DRG1: variants seen among roughly 807,000 people sequenced by gnomAD.
The protein encoded by DRG1 is developmentally-regulated GTP-binding protein 1.
In DRG1, 19 loss-of-function variants were observed where a neutral mutation model predicts 38.8. The ratio of observed to expected loss-of-function variants is 0.49; its 90% CI spans 0.34 to 0.72. The LOEUF is 0.72. Ranked by LOEUF, DRG1 falls within the 30% of genes least tolerant of loss-of-function variation. The pLI is 0.01. For synonymous variants in DRG1, 167 were observed against 157.5 expected (o/e 1.06, Z -0.45); for missense variants, 299 against 444.8 (o/e 0.67, Z 2.95).
intron 2 of DRG1, among the ~76,000 whole-genome samples, chr22:31,402,171 A>C (rs2049965286): frequency 6.6e-6 from 1 of 152,198 alleles, no homozygotes; most frequent in African/African-American, 2.4e-5. Flanking sequence ...AAAACGTAGG[A>C]AAAATAAGTC....
chr22:31,421,475 T>G (rs1041277209), intron 5 of DRG1: 1 of 151,604 alleles, frequency 6.6e-6, no homozygotes, highest in African/African-American at 2.4e-5. Context: ...ACTAAAATGG[T>G]AGGACTTTTG....
chr22:31,404,784 G>A (rs751499645), intron 3 of DRG1, among the ~76,000 whole-genome samples: 4 of 151,736 alleles, frequency 2.6e-5, no homozygotes, highest in Non-Finnish European at 5.9e-5. Flanking sequence ...ACCACACCCA[G>A]CTAATTTTTT....
chr22:31,426,360 C>A (rs1331144538), intron 6 of DRG1, among the ~76,000 whole-genome samples: 1 of 152,226 alleles, frequency 6.6e-6, no homozygotes, highest in Non-Finnish European at 1.5e-5. Flanking sequence ...CTGAGCACTT[C>A]AAAGCTTGTG....
intron 4 of DRG1, among the ~76,000 whole-genome samples, chr22:31,419,705 G>T (rs1036123230): frequency 6.6e-6 from 1 of 151,774 alleles, no homozygotes; most frequent in Admixed American, 6.6e-5. Flanking sequence ...CTTTAACATG[G>T]ATACAATTAA....
intron 4 of DRG1, among the ~76,000 whole-genome samples, chr22:31,412,723 C>G (rs2050024733): frequency 6.6e-6 from 1 of 150,802 alleles, no homozygotes; most frequent in South Asian, 2.1e-4. Context: ...TTGAAACACT[C>G]CCATCACCTA....
chr22:31,414,536 C>T (rs924365627), intron 4 of DRG1, among the ~76,000 whole-genome samples: 1 of 152,150 alleles, frequency 6.6e-6, no homozygotes, highest in Non-Finnish European at 1.5e-5. Flanking sequence ...TCAGTAAAGG[C>T]AAATTTATCC....
chr22:31,432,043 T>G (rs759354010), intron 8 of DRG1, among the ~76,000 whole-genome samples: 11 of 76,276 alleles, frequency 1.4e-4, no homozygotes, highest in Non-Finnish European at 2.1e-4. Context: ...TATTTTACTG[T>G]TTTTTTTTTT....
chr22:31,410,695 A>G (rs997883880), intron 3 of DRG1, among the ~76,000 whole-genome samples: 5 of 151,896 alleles, frequency 3.3e-5, no homozygotes, highest in African/African-American at 1.2e-4. Flanking sequence ...GGTATCTGTA[A>G]TCCCAGCTAC....
chr22:31,427,767 TTTG>T (rs1446740005), intron 8 of DRG1, among the ~76,000 whole-genome samples: 8 of 152,100 alleles, frequency 5.3e-5, no homozygotes, highest in African/African-American at 1.9e-4. Context: ...CAGTCTCGCT[TTTG>T]TTGCCCAGGC....
chr22:31,434,175 C>T lies in DRG1; in HGVS notation c.*204C>T. ...TGCATAAAAGATCTGGTAGGCTGGTCAGCTACATGCAGCTCATGTGTCATT... is the reference window on the plus strand; with the variant it reads ...TGCATAAAAGATCTGGTAGGCTGGTTAGCTACATGCAGCTCATGTGTCATT... On this transcript the variant is annotated 3_prime_UTR_variant, in exon 9 of 9. Transcript: ENST00000331457. The T allele has an allele frequency of 1.9e-6, 1 of 528,480 alleles. No individual in the cohort carries two copies. Among genetic ancestry groups the T allele is most frequent in the Non-Finnish European group, 3.4e-6 (1 of 291,072 alleles). 32.7% of individuals were successfully genotyped at this position (528,480 alleles called of 1,614,324 possible).
chr22:31,426,045 C>T (rs1314416706), intron 6 of DRG1, among the ~76,000 whole-genome samples: 1 of 151,986 alleles, frequency 6.6e-6, no homozygotes, highest in African/African-American at 2.4e-5. Context: ...ATTTATTGTA[C>T]CAATAAATAA....
chr22:31,429,931 T>C (rs1322142089), intron 8 of DRG1, among the ~76,000 whole-genome samples: 1 of 152,180 alleles, frequency 6.6e-6, no homozygotes, highest in African/African-American at 2.4e-5. Flanking sequence ...ATTACAGGCA[T>C]GAGCCATTTA....
At chr22:31,413,553 A>T in intron 4 of DRG1, among the ~76,000 whole-genome samples, 1 of 133,936 alleles carries the variant, frequency 7.5e-6, no homozygotes, top group Non-Finnish European at 1.6e-5. Flanking sequence ...TTTTTTTAGC[A>T]TCTTATTCTT....
chr22:31,422,080 C>T (rs2050079848), intron 5 of DRG1, among the ~76,000 whole-genome samples: 1 of 150,892 alleles, frequency 6.6e-6, no homozygotes, highest in Non-Finnish European at 1.5e-5. Flanking sequence ...CACTGCACTC[C>T]AGCCTGGTGA....
intron 8 of DRG1, among the ~76,000 whole-genome samples, chr22:31,433,502 C>G (rs1010615524): frequency 6.6e-6 from 1 of 152,190 alleles, no homozygotes; most frequent in South Asian, 2.1e-4. Flanking sequence ...AACGCCTGAT[C>G]TCAGGTGATC....
chr22:31,400,352 A>G (rs1377306706), intron 1 of DRG1, among the ~76,000 whole-genome samples: 1 of 152,004 alleles, frequency 6.6e-6, no homozygotes, highest in South Asian at 2.1e-4. Context: ...AACAGCTGCA[A>G]ATAGTAGAAA....
At chr22:31,429,160 A>G (rs756432696) in intron 8 of DRG1, among the ~76,000 whole-genome samples, 12 of 152,094 alleles carry the variant, frequency 7.9e-5, no homozygotes, top group Non-Finnish European at 1.8e-4. Flanking sequence ...TTACCTAGCC[A>G]TAGGCTGGAG....
chr22:31,409,382 C>T (rs1215533403), intron 3 of DRG1, among the ~76,000 whole-genome samples: 1 of 152,078 alleles, frequency 6.6e-6, no homozygotes, highest in African/African-American at 2.4e-5. Flanking sequence ...AGTTACTGGG[C>T]CCAGCCTGAG....
intron 8 of DRG1, among the ~76,000 whole-genome samples, chr22:31,429,137 A>G (rs1323494166): frequency 6.6e-6 from 1 of 151,876 alleles, no homozygotes; most frequent in Non-Finnish European, 1.5e-5. Flanking sequence ...TGTGACATTT[A>G]TGGCTATGGT....
Sources: allele counts gnomAD v4.1 joint callset (sites outside exome capture counted in the v4.1 genomes callset), GRCh38; gene constraint gnomAD v4.1.1; transcripts MANE v1.5; gene names NCBI Gene and HGNC (gene_info 2026-07-23, HGNC 2026-07-21).